The following CDK6 variants were observed in gnomAD, a reference collection of about 807,000 sequenced individuals.
The protein encoded by CDK6 is cyclin dependent kinase 6, also known as cyclin-dependent kinase 6.
A neutral mutation model predicts 37.1 loss-of-function variants in CDK6; 6 were observed. The observed-to-expected ratio is 0.16, with a 90% confidence interval of 0.09 to 0.32. The LOEUF is 0.32. CDK6 is among the 10% of genes least tolerant of loss of function. CDK6 has a pLI of 1.00. For missense variants in CDK6, 224 were observed against 418.9 expected, an observed-to-expected ratio of 0.53 and a Z score of 4.06; for synonymous variants, 160 against 161.3, an observed-to-expected ratio of 0.99 and a Z score of 0.06.
chr7:92,633,706 G>A (rs962762549), intron 5 of CDK6, among the ~76,000 whole-genome samples: 1 of 151,116 alleles, frequency 6.6e-6, no homozygotes, highest in African/African-American at 2.4e-5. Flanking sequence ...AAACTGTTCT[G>A]AAGTATTTAT....
chr7:92,766,958 T>A (rs1393560282), intron 3 of CDK6, among the ~76,000 whole-genome samples: 1 of 152,040 alleles, frequency 6.6e-6, no homozygotes, highest in East Asian at 1.9e-4. Flanking sequence ...ATATTTCCTA[T>A]CCCCCTACCA....
rs1274592926 is a variant in CDK6 at position 92,632,854 on chromosome 7, A to G, written c.648-9768T>C. Among the ~76,000 whole-genome samples the G allele has an allele frequency of 7.2e-5, 11 of 151,794 alleles. 1 individual carries two copies. The East Asian group carries it at 2.1e-3, about 29-fold the overall frequency. On this transcript the variant is annotated intron_variant, in intron 5 of 7. Coordinates refer to ENST00000424848, the MANE Select transcript of CDK6 (RefSeq NM_001145306.2). ...AAAATTTGGAAAATAGAGTAAATAG[A>G]TGAAAATAAATTACACAGCATCACT...
At position 92,614,957 on chromosome 7, in the gene CDK6, T is replaced by C. The variant is rs976985640; in HGVS notation, c.*183A>G. ...AATGAACATAAAGCTGCAATCACTC[T>C]TGCATTGATTTCAAAACAGTAAACT... On this transcript the variant is annotated 3_prime_UTR_variant, in exon 8 of 8. Coordinates refer to ENST00000424848, the MANE Select transcript of CDK6 (RefSeq NM_001145306.2). 1 of 563,864 alleles carries C rather than the reference T, an allele frequency of 1.8e-6. No individual in the cohort carries two copies. The highest frequency in any genetic ancestry group is 1.9e-5 in the African/African-American group (1 of 53,766). 34.9% of individuals were successfully genotyped at this position (563,864 alleles called of 1,614,324 possible). A position where few individuals can be genotyped will look rare whatever the true frequency, so the allele number is the denominator to read the frequency against.
intron 5 of CDK6, among the ~76,000 whole-genome samples, chr7:92,632,016 C>G (rs1796064453): frequency 6.6e-6 from 1 of 152,028 alleles, no homozygotes; most frequent in Non-Finnish European, 1.5e-5. Context: ...TAAAATGTGG[C>G]TCTCAAAACT....
chr7:92,715,529 T>C (rs1408477228), intron 4 of CDK6, among the ~76,000 whole-genome samples: 1 of 152,152 alleles, frequency 6.6e-6, no homozygotes, highest in Non-Finnish European at 1.5e-5. Flanking sequence ...TCAGTATCCT[T>C]GTAGATAGAT....
At chr7:92,757,311 C>T (rs1440801236) in intron 3 of CDK6, among the ~76,000 whole-genome samples, 1 of 152,130 alleles carries the variant, frequency 6.6e-6, no homozygotes. Context: ...TCCTACCTTC[C>T]ACCCTCAAGT....
chr7:92,798,328 TG>T (rs1800469135), intron 2 of CDK6, among the ~76,000 whole-genome samples: 1 of 152,204 alleles, frequency 6.6e-6, no homozygotes, highest in Admixed American at 6.6e-5. Flanking sequence ...AGTAGAATAA[TG>T]TTTAATAATT....
intron 5 of CDK6, among the ~76,000 whole-genome samples, chr7:92,667,552 GT>G (rs112532643): frequency 0.23 from 32,214 of 141,324 alleles, 5,130 homozygotes; most frequent in East Asian, 0.48. Context: ...AATTTAAAAA[GT>G]TTTTTTTTTT....
At chr7:92,647,635 C>T (rs1250045805) in intron 5 of CDK6, among the ~76,000 whole-genome samples, 3 of 152,198 alleles carry the variant, frequency 2.0e-5, no homozygotes, top group African/African-American at 4.8e-5. Context: ...TAGTTCTCTG[C>T]CTCTGGGATA....
intron 4 of CDK6, among the ~76,000 whole-genome samples, chr7:92,686,092 G>T (rs553289335): frequency 7.9e-5 from 12 of 152,174 alleles, no homozygotes; most frequent in African/African-American, 2.2e-4. Context: ...TGATCACAGT[G>T]ATATCTAAGA....
At chr7:92,629,841 T>C (rs1486398689) in intron 5 of CDK6, among the ~76,000 whole-genome samples, 1 of 152,142 alleles carries the variant, frequency 6.6e-6, no homozygotes, top group Non-Finnish European at 1.5e-5. Flanking sequence ...GCTAGCATGG[T>C]AACTCAACAA....
chr7:92,723,045 G>A (rs1798403713), intron 4 of CDK6, among the ~76,000 whole-genome samples: 1 of 151,896 alleles, frequency 6.6e-6, no homozygotes, highest in Admixed American at 6.6e-5. Context: ...ATTAGCCTGG[G>A]GTGGCCTGTA....
intron 3 of CDK6, among the ~76,000 whole-genome samples, chr7:92,766,713 G>A (rs1799590352): frequency 6.6e-6 from 1 of 152,188 alleles, no homozygotes; most frequent in South Asian, 2.1e-4. Flanking sequence ...CTACGCAGAA[G>A]AGCACTCTGC....
At chr7:92,820,940 A>T (rs1277410509) in intron 2 of CDK6, among the ~76,000 whole-genome samples, 3 of 151,498 alleles carry the variant, frequency 2.0e-5, no homozygotes, top group Admixed American at 1.3e-4. Flanking sequence ...CATACTATTT[A>T]GTATTAGTAT....
intron 5 of CDK6, among the ~76,000 whole-genome samples, chr7:92,651,003 C>T (rs1796561162): frequency 6.6e-6 from 1 of 152,074 alleles, no homozygotes; most frequent in Non-Finnish European, 1.5e-5. Flanking sequence ...GATTCTCCTG[C>T]CTCAGCCTCC....
chr7:92,672,475 A>C (rs148738673), intron 4 of CDK6, among the ~76,000 whole-genome samples: 7 of 152,086 alleles, frequency 4.6e-5, no homozygotes, highest in African/African-American at 1.4e-4. Flanking sequence ...GGATTCCAAA[A>C]AGACAAGAAA....
At chr7:92,689,721 C>T (rs1452267517) in intron 4 of CDK6, among the ~76,000 whole-genome samples, 1 of 152,180 alleles carries the variant, frequency 6.6e-6, no homozygotes, top group African/African-American at 2.4e-5. Context: ...CTGTCTTCTA[C>T]AAAGGCTGAA....
intron 5 of CDK6, among the ~76,000 whole-genome samples, chr7:92,626,857 C>T (rs1012250675): frequency 5.3e-5 from 8 of 151,980 alleles, no homozygotes; most frequent in African/African-American, 1.9e-4. Context: ...TAGAAGGTAA[C>T]TGATTTAGTT....
intron 3 of CDK6, among the ~76,000 whole-genome samples, chr7:92,754,211 T>G (rs1799257545): frequency 6.6e-6 from 1 of 152,186 alleles, no homozygotes; most frequent in Non-Finnish European, 1.5e-5. Flanking sequence ...TCTTCCTCAG[T>G]AACATTCAGG....
Sources: gnomAD v4.1 joint callset for allele counts (sites outside exome capture counted in the v4.1 genomes callset) on GRCh38, gnomAD v4.1.1 for gene constraint, MANE v1.5 for transcripts, NCBI Gene and HGNC (gene_info 2026-07-23, HGNC 2026-07-21) for gene names.